The following CREBBP variants were observed in gnomAD, a reference collection of about 807,000 sequenced individuals.
CREBBP encodes CREB-binding protein.
In CREBBP, 19 loss-of-function variants were observed where a neutral mutation model predicts 265.0. The ratio of observed to expected loss-of-function variants is 0.07; its 90% CI spans 0.05 to 0.11. The LOEUF is 0.11. Ranked by LOEUF, CREBBP falls within the 10% of genes least tolerant of loss-of-function variation. CREBBP has a pLI of 1.00. For missense variants in CREBBP, 2,525 were observed against 3,219.0 expected, an observed-to-expected ratio of 0.78 and a Z score of 5.22; for synonymous variants, 1,457 against 1,223.7, an observed-to-expected ratio of 1.19 and a Z score of -3.98.
At chr16:3,858,122 C>T (rs538545631) in intron 1 of CREBBP, among the ~76,000 whole-genome samples, 1 of 152,344 alleles carries the variant, frequency 6.6e-6, no homozygotes, top group African/African-American at 2.4e-5. Flanking sequence ...GTACCTACAT[C>T]TGTTCCAGGA....
chr16:3,831,729 G>A (rs1350660581), intron 2 of CREBBP, among the ~76,000 whole-genome samples: 2 of 152,138 alleles, frequency 1.3e-5, no homozygotes, highest in African/African-American at 2.4e-5. Context: ...GGGCATGGTG[G>A]CTCACACCTA....
Position 3,830,936 on chromosome 16 carries a change from C to G in CREBBP, c.798+19361G>C, listed in dbSNP as rs948866505. Among the ~76,000 whole-genome samples the G allele has an allele frequency of 7.9e-5, 12 of 152,294 alleles. 1 individual carries two copies. In the East Asian group the frequency reaches 1.4e-3, roughly 17 times the overall value. ...CAGCTGCAACTACAGAAGCGCACCA[C>G]CAAGCCTGGCTATTAATTTTTTTTG... On this transcript the variant is annotated intron_variant, in intron 2 of 30. Coordinates refer to ENST00000262367, the MANE Select transcript of CREBBP (RefSeq NM_004380.3).
intron 5 of CREBBP, among the ~76,000 whole-genome samples, chr16:3,790,882 G>T (rs1183288380): frequency 1.3e-5 from 2 of 152,154 alleles, no homozygotes; most frequent in Admixed American, 6.5e-5. Flanking sequence ...AGTACTCTTA[G>T]GAACAAAGCA....
rs1261699753 is a variant in CREBBP at position 3,852,154 on chromosome 16, TTTG to T, written c.86-1148_86-1146del. Among the ~76,000 whole-genome samples the T allele has an allele frequency of 3.6e-3, 388 of 106,530 alleles. 35 individuals are homozygous for T. Among genetic ancestry groups the T allele is most frequent in the African/African-American group, 0.019 (375 of 19,714 alleles). The allele number at this position is 106,530 out of a possible 152,430, so 69.9% of individuals were successfully genotyped here. A position where few individuals can be genotyped will look rare whatever the true frequency, so the allele number is the denominator to read the frequency against. ...TGAGGACAGTAAAGCCAATCTTAAA[TTTG>T]TTTTTTTTTTTTTTTTTTTTTTTTT... On this transcript the variant is annotated intron_variant, in intron 1 of 30. Transcript: ENST00000262367.
intron 1 of CREBBP, among the ~76,000 whole-genome samples, chr16:3,865,314 C>T (rs1045845415): frequency 6.6e-6 from 1 of 152,202 alleles, no homozygotes; most frequent in Non-Finnish European, 1.5e-5. Flanking sequence ...CTGGAAATAA[C>T]CTAAATGTCC....
Position 3,770,728 on chromosome 16 carries a change from T to C in CREBBP, c.2722A>G (p.Ser908Gly), listed in dbSNP as rs780037937. ...GGGGTGCTCTGGGTTTGGGTAGCAC[T>C]GGGCACTGAGCCAGGAGTCGGGGTG... ...TPTPTPGSVPSATQTQSTPTV... is the reference protein window; with the variant it reads ...TPTPTPGSVPGATQTQSTPTV... Residue 908 changes from serine (S) to glycine (G), a missense_variant, in exon 14 of 31, where the codon AGT (serine) becomes GGT (glycine). Transcript: ENST00000262367. The C allele has an allele frequency of 6.2e-7, 1 of 1,614,032 alleles. No individual in the cohort carries two copies.
At chr16:3,841,556 G>A (rs2054567333) in intron 2 of CREBBP, among the ~76,000 whole-genome samples, 1 of 152,092 alleles carries the variant, frequency 6.6e-6, no homozygotes, top group Non-Finnish European at 1.5e-5. Context: ...CTGGAGCACT[G>A]CTTGAGCCCA....
chr16:3,769,107 C>T, intron 15 of CREBBP, 67 bp downstream of exon 15: 1 of 1,587,850 alleles, frequency 6.3e-7, no homozygotes, highest in Non-Finnish European at 8.6e-7. Context: ...GGCTCCAAGC[C>T]TCGCCCGAGG....
chr16:3,777,446 A>G (rs1043582653), intron 11 of CREBBP, among the ~76,000 whole-genome samples, 167 bp downstream of exon 11: 19 of 152,200 alleles, frequency 1.2e-4, no homozygotes, highest in Non-Finnish European at 2.6e-4. Context: ...ACTTCATACT[A>G]TAAACATATC....
intron 1 of CREBBP, among the ~76,000 whole-genome samples, chr16:3,862,890 G>C (rs914916463): frequency 6.6e-6 from 1 of 152,164 alleles, no homozygotes; most frequent in Admixed American, 6.5e-5. Context: ...TTATTTGAAA[G>C]CTAAATTACA....
chr16:3,876,215 T>A (rs148181698), intron 1 of CREBBP, among the ~76,000 whole-genome samples: 43 of 151,780 alleles, frequency 2.8e-4, no homozygotes, highest in African/African-American at 4.8e-4. Flanking sequence ...ATTAAAAAAA[T>A]TTTTTGTTTA....
At chr16:3,818,303 CTT>C (rs71133660) in intron 2 of CREBBP, among the ~76,000 whole-genome samples, 83 of 106,428 alleles carry the variant, frequency 7.8e-4, no homozygotes, top group African/African-American at 2.4e-3. Flanking sequence ...GTTTTCTTTT[CTT>C]TTTTTTTTTT....
In CREBBP at chr16:3,729,831, G is replaced by C. The variant is rs772591687; in HGVS notation, c.5216C>G (p.Ala1739Gly). Residue 1739 changes from alanine (A) to glycine (G), a missense_variant, in exon 31 of 31, where the codon GCC (alanine) becomes GGC (glycine). Coordinates refer to ENST00000262367, the MANE Select transcript of CREBBP (RefSeq NM_004380.3). Reference protein sequence around the residue: ...CINCYNTKSHAHKMVKWGLGL... With the variant: ...CINCYNTKSHGHKMVKWGLGL... ...CAGCCCCCACTTCACCATCTTATGG[G>C]CATGGCTCTTCGTGTTATAGCAGTT... The C allele has an allele frequency of 6.2e-7, 1 of 1,604,586 alleles. No homozygotes were observed. Among genetic ancestry groups the C allele is most frequent in the South Asian group, 1.1e-5 (1 of 91,074 alleles).
At chr16:3,861,524 A>T (rs1252594757) in intron 1 of CREBBP, among the ~76,000 whole-genome samples, 1 of 152,132 alleles carries the variant, frequency 6.6e-6, no homozygotes, top group Non-Finnish European at 1.5e-5. Flanking sequence ...GCCACTTATC[A>T]ATGGTAGTGA....
intron 2 of CREBBP, chr16:3,812,857 A>G (rs749677148): frequency 4.2e-5 from 8 of 188,340 alleles, no homozygotes; most frequent in Non-Finnish European, 6.7e-5. Context: ...ATGGACTGGG[A>G]AGGTCCCCGC....
At chr16:3,736,891 G>T in intron 26 of CREBBP, 76 bp from the exon 27 acceptor site, 1 of 1,559,040 alleles carries the variant, frequency 6.4e-7, no homozygotes. Flanking sequence ...TATAGCAGAG[G>T]AGCAAGGACT....
At chr16:3,825,671 G>T (rs2054223158) in intron 2 of CREBBP, among the ~76,000 whole-genome samples, 1 of 152,160 alleles carries the variant, frequency 6.6e-6, no homozygotes, top group Non-Finnish European at 1.5e-5. Flanking sequence ...AAAGATGCTG[G>T]GGGGAAACCT....
chr16:3,732,009 G>C (rs1188665164), intron 28 of CREBBP, 72 bp from the exon 29 acceptor site: 2 of 1,612,010 alleles, frequency 1.2e-6, no homozygotes, highest in Non-Finnish European at 1.7e-6. Flanking sequence ...CCAGCTCCCA[G>C]GCCGTGGGCA....
chr16:3,755,586 T>C (rs1295624994), intron 19 of CREBBP, among the ~76,000 whole-genome samples: 1 of 152,150 alleles, frequency 6.6e-6, no homozygotes, highest in Non-Finnish European at 1.5e-5. Context: ...AAGGCTAAGC[T>C]TAATACATTA....
Sources: allele counts gnomAD v4.1 joint callset (sites outside exome capture counted in the v4.1 genomes callset), GRCh38; gene constraint gnomAD v4.1.1; transcripts MANE v1.5; gene names NCBI Gene and HGNC (gene_info 2026-07-23, HGNC 2026-07-21).